The following ENAH variants were observed in gnomAD, a reference collection of about 807,000 sequenced individuals.
The protein encoded by ENAH is ENAH actin regulator, also known as protein enabled homolog.
In ENAH, 23 loss-of-function variants were observed where a neutral mutation model predicts 78.7. The ratio of observed to expected loss-of-function variants is 0.29; its 90% CI spans 0.21 to 0.41. The LOEUF (loss-of-function observed/expected upper bound fraction) is 0.41, where lower values mean the gene tolerates loss of function less well. ENAH is among the 10% of genes least tolerant of loss of function. The pLI, the probability that ENAH is intolerant of heterozygous loss-of-function variation, is 1.00. For synonymous variants in ENAH, 226 were observed against 241.0 expected, an observed-to-expected ratio of 0.94 and a Z score of 0.58; for missense variants, 544 against 691.0, an observed-to-expected ratio of 0.79 and a Z score of 2.39.
chr1:225,631,515 G>A (rs567782125), intron 1 of ENAH, among the ~76,000 whole-genome samples: 73 of 150,472 alleles, frequency 4.9e-4, no homozygotes, highest in Non-Finnish European at 9.4e-4. Flanking sequence ...CGGAGGTTGC[G>A]GTGAGCTGAG....
At chr1:225,602,621 T>C (rs1558890600) in intron 1 of ENAH, among the ~76,000 whole-genome samples, 1 of 151,602 alleles carries the variant, frequency 6.6e-6, no homozygotes, top group Non-Finnish European at 1.5e-5. Flanking sequence ...TTAGCAAAGG[T>C]TATATATATA....
At chr1:225,524,773 T>A in intron 4 of ENAH, 1 of 509,598 alleles carries the variant, frequency 2.0e-6, no homozygotes, top group Non-Finnish European at 2.5e-6. Context: ...AGATATTAAC[T>A]ATATTAAGGT....
In ENAH at chr1:225,511,083, C is replaced by A. The variant is rs1265686974; in HGVS notation, c.1471+728G>T. On this transcript the variant is annotated intron_variant, in intron 10 of 13. Coordinates refer to ENST00000366843, the MANE Select transcript of ENAH (RefSeq NM_018212.6). ...TAGATGCAGCTGGTTGTCTTTAAAT[C>A]AAAACTGTAGGAATATAAGCATTTC... Among the ~76,000 whole-genome samples, 4 of 152,042 alleles carry A rather than the reference C, an allele frequency of 2.6e-5. No homozygotes were observed. In the South Asian group the frequency reaches 6.2e-4, roughly 24 times the overall value.
At chr1:225,596,824 A>C (rs1016964434) in intron 1 of ENAH, among the ~76,000 whole-genome samples, 1 of 152,246 alleles carries the variant, frequency 6.6e-6, no homozygotes, top group Non-Finnish European at 1.5e-5. Context: ...ACTACTGTTT[A>C]TCTGCAGTTG....
At chr1:225,618,812 C>T (rs1656277059) in intron 1 of ENAH, among the ~76,000 whole-genome samples, 1 of 152,050 alleles carries the variant, frequency 6.6e-6, no homozygotes, top group Non-Finnish European at 1.5e-5. Flanking sequence ...AAAAAAATTC[C>T]AAAGGATTCT....
intron 1 of ENAH, among the ~76,000 whole-genome samples, chr1:225,593,129 G>T (rs1027109238): frequency 3.9e-5 from 6 of 152,022 alleles, no homozygotes; most frequent in African/African-American, 9.7e-5. Context: ...AGAAAAGATT[G>T]ATAAGAGATG....
rs1306779408 is a variant in ENAH, at chr1:225,519,556, T to C, written c.444A>G (p.Gln148=). 1.3e-6 allele frequency: 2 copies of C among 1,592,366 alleles called. No homozygotes were observed. The highest frequency in any genetic ancestry group is 8.5e-7 in the Non-Finnish European group (1 of 1,174,246). The part of the protein sequence containing the change: ...EELEIQRRQL[Q]EQQRQKELER... ...CCAGCTCCTTTTGCCGTTGCTGTTC[T>C]TGTAGTTGTCTGGAAAAAAAAAAAA... is the stretch of plus-strand genomic sequence containing the variant. The change falls in exon 5 of 14, where the codon CAA becomes CAG. Residue 148 remains glutamine, a synonymous_variant. Coordinates refer to ENST00000366843, the MANE Select transcript of ENAH (RefSeq NM_018212.6).
At position 225,514,754 on chromosome 1, in the gene ENAH, G is replaced by T; in HGVS notation, c.1060C>A (p.Pro354Thr). The T allele has an allele frequency of 3.5e-6, 5 of 1,440,000 alleles. No homozygotes were observed. Among genetic ancestry groups the T allele is most frequent in the Non-Finnish European group, 4.7e-6 (5 of 1,065,734 alleles). 89.2% of individuals were successfully genotyped at this position (1,440,000 alleles called of 1,614,324 possible). The change falls in exon 7 of 14, where the codon CCT becomes ACT. Residue 354 changes from proline to threonine, a missense_variant. Physicochemically the swap from Pro to Thr is conservative, Grantham distance 38. Around this residue, in one of 4 missense-constraint regions of ENAH, gnomAD observed 366 missense variants for 396.1 expected, o/e 0.92. Transcript: ENST00000366843. ...GGGGGTACTTGATTAGGGAGAGGAG[G>T]GGGAGGAGGGGGCGGTGGAGGCCCG... ...STGPPPPPPP[P>T]PLPNQVPPPP... is the part of the protein sequence containing the mutation.
chr1:225,527,489 G>A (rs1295820174), intron 4 of ENAH, among the ~76,000 whole-genome samples: 1 of 152,164 alleles, frequency 6.6e-6, no homozygotes, highest in African/African-American at 2.4e-5. Flanking sequence ...GAGAGAAAGT[G>A]AAAACCAGTA....
intron 3 of ENAH, among the ~76,000 whole-genome samples, chr1:225,533,221 A>G (rs1408418303): frequency 6.6e-6 from 1 of 152,146 alleles, no homozygotes; most frequent in Non-Finnish European, 1.5e-5. Context: ...CTTCTTGTCA[A>G]ACATTCTAAT....
At chr1:225,629,290 A>C (rs1658545995) in intron 1 of ENAH, among the ~76,000 whole-genome samples, 1 of 151,324 alleles carries the variant, frequency 6.6e-6, no homozygotes, top group South Asian at 2.1e-4. Flanking sequence ...AAGAAAGAAA[A>C]GAAGGCAGGG....
chr1:225,619,701 C>T (rs1334391616), intron 1 of ENAH, among the ~76,000 whole-genome samples: 1 of 152,042 alleles, frequency 6.6e-6, no homozygotes, highest in African/African-American at 2.4e-5. Flanking sequence ...CTCAGACATC[C>T]CAATTTAAAA....
rs1398517323 is a variant in ENAH, at chr1:225,512,647, A to AT, written c.1422+9dup. On this transcript the variant is annotated intron_variant, in intron 9 of 13. Transcript: ENST00000366843. ...TTTTAAGGTATGGTAGACTATCTTT[A>AT]TTAACTTACACCTTTGTCCTCTTTT... 2 of 1,610,822 alleles carry AT rather than the reference A, an allele frequency of 1.2e-6. No individual in the cohort carries two copies. Among genetic ancestry groups the AT allele is most frequent in the Non-Finnish European group, 1.7e-6 (2 of 1,178,062 alleles).
At chr1:225,574,435 T>C (rs1389860450) in intron 1 of ENAH, among the ~76,000 whole-genome samples, 1 of 151,992 alleles carries the variant, frequency 6.6e-6, no homozygotes, top group East Asian at 1.9e-4. Flanking sequence ...ATCCCATCTC[T>C]ACTAAAAATA....
At chr1:225,618,148 A>C (rs1656135556) in intron 1 of ENAH, among the ~76,000 whole-genome samples, 1 of 152,146 alleles carries the variant, frequency 6.6e-6, no homozygotes, top group Non-Finnish European at 1.5e-5. Flanking sequence ...CTAATCCCAA[A>C]CAGATTGTTC....
At chr1:225,533,182 T>G (rs1182134844) in intron 3 of ENAH, among the ~76,000 whole-genome samples, 1 of 152,118 alleles carries the variant, frequency 6.6e-6, no homozygotes, top group Non-Finnish European at 1.5e-5. Flanking sequence ...CAGGTAAATA[T>G]AAATTTAAGG....
chr1:225,610,771 G>C (rs550450820), intron 1 of ENAH, among the ~76,000 whole-genome samples: 1 of 152,144 alleles, frequency 6.6e-6, no homozygotes, highest in Admixed American at 6.5e-5. Context: ...ACGCTAGTAC[G>C]ATCAACCACT....
At chr1:225,583,159 A>G (rs1160510771) in intron 1 of ENAH, among the ~76,000 whole-genome samples, 2 of 152,200 alleles carry the variant, frequency 1.3e-5, no homozygotes. Flanking sequence ...AAAAGAGGCC[A>G]GGCGAGGTGG....
chr1:225,500,373 CTG>C (rs768749844), intron 12 of ENAH, among the ~76,000 whole-genome samples: 17 of 152,250 alleles, frequency 1.1e-4, no homozygotes, highest in Non-Finnish European at 1.9e-4. Flanking sequence ...ATTGAGATAA[CTG>C]TACACATTTG....
Sources: gnomAD v4.1 joint callset for allele counts (sites outside exome capture counted in the v4.1 genomes callset) on GRCh38, gnomAD v4.1.1 for gene constraint, gnomAD v4.1.1 regional missense constraint, MANE v1.5 for transcripts, NCBI Gene and HGNC (gene_info 2026-07-23, HGNC 2026-07-21) for gene names.